PTPRD: variants seen among roughly 807,000 people sequenced by gnomAD.
PTPRD encodes protein tyrosine phosphatase receptor type D.
PTPRD carries 34 observed loss-of-function variants against 214.5 expected under a neutral mutation model. That is an observed-to-expected ratio of 0.16 (90% CI 0.12 to 0.21). PTPRD has a LOEUF of 0.21. Among genes scored for constraint, PTPRD ranks in the 10% least tolerant of loss-of-function variants. PTPRD has a pLI of 1.00. For synonymous variants in PTPRD, 1,128 were observed against 845.7 expected (o/e 1.33, Z -5.79); for missense variants, 2,545 against 2,398.7 (o/e 1.06, Z -1.27).
At chr9:9,984,334 G>C (rs1320503962) in intron 4 of PTPRD, among the ~76,000 whole-genome samples, 1 of 152,140 alleles carries the variant, frequency 6.6e-6, no homozygotes, top group Non-Finnish European at 1.5e-5. Context: ...CTAGGACTGG[G>C]AAAAAGTAGC....
chr9:10,041,515 T>G (rs2154142715), intron 3 of PTPRD, among the ~76,000 whole-genome samples: 1 of 151,940 alleles, frequency 6.6e-6, no homozygotes, highest in East Asian at 1.9e-4. Flanking sequence ...TATTTCAATT[T>G]TTTTTTTATT....
At chr9:10,308,338 ATT>A (rs1264518452) in intron 3 of PTPRD, among the ~76,000 whole-genome samples, 2 of 152,128 alleles carry the variant, frequency 1.3e-5, no homozygotes, top group African/African-American at 4.8e-5. Context: ...CCTAATATAT[ATT>A]CTCAGTATCT....
chr9:10,191,600 G>C (rs190631189), intron 3 of PTPRD, among the ~76,000 whole-genome samples: 11 of 152,140 alleles, frequency 7.2e-5, no homozygotes, highest in Admixed American at 4.6e-4. Context: ...TAAGTTTTTA[G>C]ATATCCCTAT....
intron 12 of PTPRD, among the ~76,000 whole-genome samples, chr9:8,659,051 A>C (rs1477124895): frequency 6.7e-6 from 1 of 149,078 alleles, no homozygotes; most frequent in Non-Finnish European, 1.5e-5. Flanking sequence ...CTCATCCTTC[A>C]ACAATGTCAA....
At chr9:9,249,520 C>T (rs1002872967) in intron 9 of PTPRD, among the ~76,000 whole-genome samples, 1 of 152,052 alleles carries the variant, frequency 6.6e-6, no homozygotes, top group African/African-American at 2.4e-5. Flanking sequence ...GCTTATTATA[C>T]CTCATAAACT....
At position 10,231,989 on chromosome 9, in the gene PTPRD, A is replaced by AGAGAGAGAGTGTGTGT. The variant is rs1245284728; in HGVS notation, c.-545+108973_-545+108974insACACACACTCTCTCTC. The stretch of plus-strand genomic sequence containing the variant: ...GAGAGAGAGAGAGAGAGAGAGAGAG[A>AGAGAGAGAGTGTGTGT]GTGTGTGTGTGTGTGTGTGTGTGTG... On this transcript the variant is annotated intron_variant, in intron 3 of 45. Coordinates refer to ENST00000381196, the MANE Select transcript of PTPRD (RefSeq NM_002839.4). Among the ~76,000 whole-genome samples, 262 of 92,472 alleles carry AGAGAGAGAGTGTGTGT rather than the reference A, an allele frequency of 2.8e-3. 3 individuals carry two copies. Among genetic ancestry groups the AGAGAGAGAGTGTGTGT allele is most frequent in the African/African-American group, 0.013 (246 of 18,942 alleles). 60.7% of individuals were successfully genotyped at this position (92,472 alleles called of 152,430 possible). A position where few individuals can be genotyped will look rare whatever the true frequency, so the allele number is the denominator to read the frequency against.
intron 25 of PTPRD, 27 bp downstream of exon 25, chr9:8,499,620 C>A (rs2097350991): frequency 6.3e-7 from 1 of 1,588,572 alleles, no homozygotes; most frequent in Non-Finnish European, 8.5e-7. Flanking sequence ...TATATAAAAA[C>A]AGAGGTACAT....
intron 8 of PTPRD, among the ~76,000 whole-genome samples, chr9:9,474,229 T>C (rs1269403785): frequency 6.6e-6 from 1 of 152,096 alleles, no homozygotes; most frequent in Non-Finnish European, 1.5e-5. Context: ...CCCTAACGTA[T>C]CTTCTTGGTA....
At chr9:8,347,805 C>T (rs1376506938) in intron 39 of PTPRD, among the ~76,000 whole-genome samples, 1 of 152,122 alleles carries the variant, frequency 6.6e-6, no homozygotes, top group Non-Finnish European at 1.5e-5. Flanking sequence ...CGTGTGACGG[C>T]ACAGTGAGAA....
At chr9:10,318,050 G>GT (rs1163267213) in intron 3 of PTPRD, among the ~76,000 whole-genome samples, 1 of 151,740 alleles carries the variant, frequency 6.6e-6, no homozygotes, top group Non-Finnish European at 1.5e-5. Flanking sequence ...CTGTTGCTAC[G>GT]TTTTTTCCCC....
chr9:9,937,060 C>T (rs946500250), intron 5 of PTPRD, among the ~76,000 whole-genome samples: 9 of 152,066 alleles, frequency 5.9e-5, no homozygotes, highest in East Asian at 1.9e-4. Flanking sequence ...GAACATCACA[C>T]TCTGGGGACT....
chr9:10,040,065 T>C (rs971485752), intron 3 of PTPRD, among the ~76,000 whole-genome samples: 1 of 152,006 alleles, frequency 6.6e-6, no homozygotes, highest in Non-Finnish European at 1.5e-5. Flanking sequence ...AAAGTGAGGA[T>C]AGGACTGGAA....
intron 7 of PTPRD, among the ~76,000 whole-genome samples, chr9:9,640,004 C>T (rs1399229766): frequency 2.0e-5 from 3 of 152,156 alleles, no homozygotes; most frequent in Admixed American, 1.3e-4. Flanking sequence ...CTTTGTTAGA[C>T]TGTAAGGACA....
chr9:10,451,582 G>C (rs1231256145), intron 2 of PTPRD, among the ~76,000 whole-genome samples: 1 of 151,476 alleles, frequency 6.6e-6, no homozygotes, highest in African/African-American at 2.4e-5. Flanking sequence ...CTACCTCGTA[G>C]TGTTGTTTCA....
chr9:9,064,993 AT>A (rs1479772572), intron 10 of PTPRD, among the ~76,000 whole-genome samples: 1 of 152,164 alleles, frequency 6.6e-6, no homozygotes, highest in Non-Finnish European at 1.5e-5. Context: ...ATACAGATTC[AT>A]TTTTCATATG....
chr9:9,882,384 G>A (rs1000135008), intron 5 of PTPRD, among the ~76,000 whole-genome samples: 9 of 152,002 alleles, frequency 5.9e-5, no homozygotes, highest in African/African-American at 1.2e-4. Context: ...TTTGGCCAAC[G>A]CTTGGTCAAT....
intron 3 of PTPRD, among the ~76,000 whole-genome samples, chr9:10,278,873 C>G (rs979297598): frequency 1.3e-5 from 2 of 152,034 alleles, no homozygotes; most frequent in African/African-American, 4.8e-5. Context: ...CTCCTTGGTT[C>G]AAGCCATTCT....
At chr9:8,805,936 A>T in intron 11 of PTPRD, among the ~76,000 whole-genome samples, 1 of 142,704 alleles carries the variant, frequency 7.0e-6, no homozygotes, top group Admixed American at 7.1e-5. Flanking sequence ...TGGAGCTTGC[A>T]GTGAGCCGAG....
intron 11 of PTPRD, among the ~76,000 whole-genome samples, chr9:8,799,567 A>G (rs1168065953): frequency 6.6e-6 from 1 of 152,240 alleles, no homozygotes; most frequent in Non-Finnish European, 1.5e-5. Flanking sequence ...TAAAGTAAGC[A>G]AGGAAGTTTG....
Sources: allele counts gnomAD v4.1 joint callset (sites outside exome capture counted in the v4.1 genomes callset), GRCh38; gene constraint gnomAD v4.1.1; transcripts MANE v1.5; gene names NCBI Gene and HGNC (gene_info 2026-07-23, HGNC 2026-07-21).